Variants in NUSAP1 observed in about 807,000 individuals in gnomAD.
The protein encoded by NUSAP1 is nucleolar and spindle-associated protein 1.
Under a neutral mutation model 52.8 loss-of-function variants are expected in NUSAP1, and 32 were observed. The observed-to-expected ratio is 0.61, with a 90% CI of 0.46 to 0.81. The LOEUF (loss-of-function observed/expected upper bound fraction) is 0.81, where lower values mean the gene tolerates loss of function less well. NUSAP1 is among the 40% of genes least tolerant of loss of function. NUSAP1 has a pLI of 0.00. For missense variants in NUSAP1, 499 were observed against 522.3 expected, an observed-to-expected ratio of 0.96 and a Z score of 0.43; for synonymous variants, 195 against 183.1, an observed-to-expected ratio of 1.06 and a Z score of -0.52.
At chr15:41,373,090 C>CA (rs1311986817) in intron 8 of NUSAP1, among the ~76,000 whole-genome samples, 147 of 141,012 alleles carry the variant, frequency 1.0e-3, no homozygotes, top group Non-Finnish European at 1.8e-3. Flanking sequence ...AACCCTGTCT[C>CA]AAAAAAAAAA....
At chr15:41,359,956 T>C (rs1275106701) in intron 6 of NUSAP1, among the ~76,000 whole-genome samples, 1 of 151,966 alleles carries the variant, frequency 6.6e-6, no homozygotes, top group East Asian at 1.9e-4. Context: ...AGGCACTGTT[T>C]GTCAAACTTT....
intron 5 of NUSAP1, among the ~76,000 whole-genome samples, chr15:41,356,769 C>T (rs2015781): frequency 1.3e-5 from 2 of 151,906 alleles, no homozygotes; most frequent in African/African-American, 2.4e-5. Context: ...ACTGATGAAT[C>T]AATGTATGAA....
intron 6 of NUSAP1, among the ~76,000 whole-genome samples, chr15:41,361,725 T>C (rs1595574961): frequency 6.6e-6 from 1 of 152,218 alleles, no homozygotes; most frequent in Non-Finnish European, 1.5e-5. Context: ...TACTTTTTAG[T>C]ATAACTCCAG....
At chr15:41,337,926 TTTTTC>T (rs1370723379) in intron 1 of NUSAP1, among the ~76,000 whole-genome samples, 4 of 140,938 alleles carry the variant, frequency 2.8e-5, no homozygotes, top group Non-Finnish European at 4.5e-5. Context: ...TTTCTTTTCT[TTTTTC>T]TTTTTTTTTT....
chr15:41,361,096 A>C (rs1313270589), intron 6 of NUSAP1, among the ~76,000 whole-genome samples: 1 of 151,380 alleles, frequency 6.6e-6, no homozygotes, highest in East Asian at 2.0e-4. Context: ...TCCATCTCAA[A>C]AAACAAAAAA....
chr15:41,367,207 C>A (rs1474727074), intron 7 of NUSAP1, among the ~76,000 whole-genome samples: 2 of 152,170 alleles, frequency 1.3e-5, no homozygotes. Context: ...TTGAGCAGGT[C>A]AGGGGCTTCT....
intron 8 of NUSAP1, among the ~76,000 whole-genome samples, chr15:41,373,518 T>C (rs541668654): frequency 1.8e-4 from 27 of 149,862 alleles, no homozygotes; most frequent in Non-Finnish European, 2.8e-4. Flanking sequence ...GGCACCATCT[T>C]GGCTCACTGC....
In NUSAP1 at chr15:41,380,119, A is replaced by G; in HGVS notation, c.1259A>G (p.Gln420Arg). 6.3e-7 allele frequency: 1 copy of G among 1,588,164 alleles called. No individual in the cohort carries two copies. The highest frequency in any genetic ancestry group is 8.6e-7 in the Non-Finnish European group (1 of 1,167,134). ...TKEEQRKKRE[Q>R]ERKEKKAKVL... is the part of the protein sequence containing the mutation. ...GAAGAGCAACGGAAGAAACGCGAGC[A>G]AGAACGAAAGGAGAAGAAAGCAAAG... The change falls in exon 11 of 11, where the codon CAA (glutamine) becomes CGA (arginine). Residue 420 changes from glutamine (Q) to arginine (R), a missense_variant. Transcript: ENST00000559596.
At chr15:41,373,881 A>C (rs904087294) in intron 8 of NUSAP1, among the ~76,000 whole-genome samples, 1 of 152,084 alleles carries the variant, frequency 6.6e-6, no homozygotes, top group African/African-American at 2.4e-5. Flanking sequence ...AAATAAGCTG[A>C]AAAGTTACCG....
At chr15:41,375,664 G>C in intron 8 of NUSAP1, 48 bp from the exon 9 acceptor site, 1 of 1,153,094 alleles carries the variant, frequency 8.7e-7, no homozygotes, top group Non-Finnish European at 1.3e-6. Flanking sequence ...CACTTTACCA[G>C]GTCTTTGTTT....
intron 1 of NUSAP1, among the ~76,000 whole-genome samples, chr15:41,334,756 C>G (rs2048056750): frequency 6.6e-6 from 1 of 151,948 alleles, no homozygotes; most frequent in African/African-American, 2.4e-5. Context: ...CCATCTTGCC[C>G]AGGCTGGTCT....
chr15:41,335,792 T>C (rs1247388437), intron 1 of NUSAP1, among the ~76,000 whole-genome samples: 1 of 145,946 alleles, frequency 6.9e-6, no homozygotes, highest in Admixed American at 6.9e-5. Context: ...TAATATACTA[T>C]ATTATACTGG....
rs554396621 is a variant in NUSAP1, at chr15:41,332,906, T to C, written c.-52T>C. The C allele has an allele frequency of 7.0e-6, 10 of 1,426,510 alleles. No homozygotes were observed. Among genetic ancestry groups the C allele is most frequent in the Middle Eastern group, 3.5e-4 (2 of 5,746 alleles). The allele number at this position is 1,426,510 out of a possible 1,614,324, so 88.4% of individuals were successfully genotyped here. On this transcript the variant is annotated 5_prime_UTR_variant, in exon 1 of 11. Transcript: ENST00000559596. Reference sequence around the variant, plus strand: ...GTGGCGCCAGGGATTTGAACCGCGCTGACGAAGTTTGGTGATCCATCTTCC... The same window carrying C: ...GTGGCGCCAGGGATTTGAACCGCGCCGACGAAGTTTGGTGATCCATCTTCC...
At chr15:41,359,911 G>A (rs2049108843) in intron 6 of NUSAP1, among the ~76,000 whole-genome samples, 1 of 151,726 alleles carries the variant, frequency 6.6e-6, no homozygotes, top group Non-Finnish European at 1.5e-5. Context: ...ACATGCATGA[G>A]CCATTGCTCC....
At chr15:41,350,873 AT>A (rs1230455092) in intron 3 of NUSAP1, 114 bp from the exon 4 acceptor site, 3 of 867,904 alleles carry the variant, frequency 3.5e-6, no homozygotes, top group Non-Finnish European at 5.1e-6. Context: ...CAAAAATCTC[AT>A]TCTCCTACTT....
intron 9 of NUSAP1, 60 bp downstream of exon 9, chr15:41,375,888 G>C: frequency 3.4e-6 from 4 of 1,167,470 alleles, no homozygotes; most frequent in Admixed American, 3.4e-5. Context: ...GTGGGACGCA[G>C]TGGCTCACAC....
intron 5 of NUSAP1, among the ~76,000 whole-genome samples, chr15:41,357,640 C>T (rs912939042): frequency 2.0e-5 from 3 of 151,954 alleles, no homozygotes; most frequent in African/African-American, 7.2e-5. Context: ...GATGGGGTTT[C>T]TCCATGTTGG....
chr15:41,377,529 C>G (rs1245856163), intron 10 of NUSAP1, among the ~76,000 whole-genome samples: 2 of 150,904 alleles, frequency 1.3e-5, no homozygotes, highest in East Asian at 3.9e-4. Flanking sequence ...GAAACCCCGT[C>G]TCTACTAAAA....
chr15:41,361,930 A>T (rs186769054), intron 6 of NUSAP1, among the ~76,000 whole-genome samples: 13 of 152,284 alleles, frequency 8.5e-5, no homozygotes, highest in African/African-American at 3.1e-4. Context: ...GGTCATTTAG[A>T]TGGTGATGGA....
Sources: gnomAD v4.1 joint callset for allele counts (sites outside exome capture counted in the v4.1 genomes callset) on GRCh38, gnomAD v4.1.1 for gene constraint, MANE v1.5 for transcripts, NCBI Gene and HGNC (gene_info 2026-07-23, HGNC 2026-07-21) for gene names.